Variants in CDKL2 observed in about 807,000 individuals in gnomAD.
CDKL2 encodes cyclin dependent kinase like 2.
CDKL2 carries 64 observed loss-of-function variants against 63.9 expected under a neutral mutation model. That is an observed-to-expected ratio of 1.00 (90% CI 0.82 to 1.23). The LOEUF (loss-of-function observed/expected upper bound fraction) is 1.23, where lower values mean the gene tolerates loss of function less well. Among genes scored for constraint, CDKL2 ranks in the 50% most tolerant of loss-of-function variants. The pLI, the probability that CDKL2 is intolerant of heterozygous loss-of-function variation, is 0.00. For missense variants in CDKL2, 656 were observed against 668.0 expected (o/e 0.98, Z 0.20); for synonymous variants, 211 against 229.2 (o/e 0.92, Z 0.72).
At position 75,601,622 on chromosome 4, in the gene CDKL2, C is replaced by T. The variant is rs1729194408; in HGVS notation, c.796-1253G>A. ...CAACTATTCTTTCTATTTTCTTTTC[C>T]GTTTGAAATTTTCCATAATAAAATG... On this transcript the variant is annotated intron_variant, in intron 6 of 13. Transcript: ENST00000307465. 3.9e-5 allele frequency among the ~76,000 whole-genome samples: 6 copies of T among 151,960 alleles called. No homozygotes were observed. The South Asian group carries it at 1.0e-3, about 26-fold the overall frequency.
chr4:75,617,645 T>C (rs1037126768), intron 2 of CDKL2, among the ~76,000 whole-genome samples: 1 of 152,242 alleles, frequency 6.6e-6, no homozygotes, highest in Admixed American at 6.5e-5. Context: ...ACTTGTTCCA[T>C]TGGGCTGTTT....
intron 2 of CDKL2, among the ~76,000 whole-genome samples, chr4:75,615,093 A>T (rs973916190): frequency 6.6e-6 from 1 of 152,044 alleles, no homozygotes; most frequent in African/African-American, 2.4e-5. Context: ...ACAATCTCTC[A>T]GTGAGGCAGT....
At chr4:75,626,804 T>C (rs1240914612) in intron 1 of CDKL2, among the ~76,000 whole-genome samples, 1 of 151,966 alleles carries the variant, frequency 6.6e-6, no homozygotes, top group African/African-American at 2.4e-5. Flanking sequence ...GGCAGGAGAA[T>C]TGCTTGAGCC....
At chr4:75,589,299 CTTTTTT>C (rs34052339) in intron 12 of CDKL2, among the ~76,000 whole-genome samples, 1 of 88,412 alleles carries the variant, frequency 1.1e-5, no homozygotes, top group Non-Finnish European at 2.1e-5. Context: ...TTGATAGTTT[CTTTTTT>C]TTTTTTTTTT....
At chr4:75,585,513 A>T (rs1728437839) in intron 12 of CDKL2, among the ~76,000 whole-genome samples, 1 of 152,118 alleles carries the variant, frequency 6.6e-6, no homozygotes, top group African/African-American at 2.4e-5. Flanking sequence ...AGATCGCTTG[A>T]TCCTAGGAAT....
rs116826812 is a variant in CDKL2 at position 75,617,631 on chromosome 4, T to C, written c.169-3182A>G. Among the ~76,000 whole-genome samples, 882 of 152,338 alleles carry C rather than the reference T, an allele frequency of 5.8e-3. 8 individuals are homozygous for C. Among genetic ancestry groups the C allele is most frequent in the African/African-American group, 0.021 (858 of 41,578 alleles). Reference sequence around the variant, plus strand: ...TTAAGAAATCTAAATAATACTAGAATGTCACTTGTTCCATTGGGCTGTTTT... The same window carrying C: ...TTAAGAAATCTAAATAATACTAGAACGTCACTTGTTCCATTGGGCTGTTTT... On this transcript the variant is annotated intron_variant, in intron 2 of 13. Coordinates refer to ENST00000307465, the MANE Select transcript of CDKL2 (RefSeq NM_001330724.2).
At chr4:75,613,173 G>A (rs529825068) in intron 3 of CDKL2, among the ~76,000 whole-genome samples, 5 of 151,890 alleles carry the variant, frequency 3.3e-5, no homozygotes, top group African/African-American at 1.2e-4. Context: ...GTTGCCAGGA[G>A]GCCACTATGG....
chr4:75,615,803 G>A (rs1225625209), intron 2 of CDKL2, among the ~76,000 whole-genome samples: 1 of 151,674 alleles, frequency 6.6e-6, no homozygotes, highest in Non-Finnish European at 1.5e-5. Context: ...GACCAGCCTG[G>A]GCATGGTGAG....
At chr4:75,617,434 C>G (rs1195232742) in intron 2 of CDKL2, among the ~76,000 whole-genome samples, 1 of 152,080 alleles carries the variant, frequency 6.6e-6, no homozygotes, top group Non-Finnish European at 1.5e-5. Flanking sequence ...CTAACTCACA[C>G]AGAGGTCAAG....
In CDKL2 at chr4:75,597,143, C is replaced by G. The variant is rs779763516; in HGVS notation, c.1114G>C (p.Ala372Pro). ...DGEKAEKGNR[A>P]SNASCLHDSR... ...TCATGGAGACAGCTGGCATTTGAAG[C>G]TCTATTGCCTTTTTCAGCTTTTTCT... is the stretch of plus-strand genomic sequence containing the variant. Residue 372 changes from alanine to proline, a missense_variant, in exon 9 of 14, where the codon GCT becomes CCT. By Grantham distance (27) the Ala-to-Pro change is conservative (BLOSUM62 -1). Coordinates refer to ENST00000307465, the MANE Select transcript of CDKL2 (RefSeq NM_001330724.2). 1 of 1,613,692 alleles carries G rather than the reference C, an allele frequency of 6.2e-7. No homozygotes were observed. Among genetic ancestry groups the G allele is most frequent in the Non-Finnish European group, 8.5e-7 (1 of 1,179,672 alleles).
chr4:75,625,194 G>A (rs1322014331), intron 2 of CDKL2, among the ~76,000 whole-genome samples: 4 of 151,814 alleles, frequency 2.6e-5, no homozygotes, highest in Non-Finnish European at 5.9e-5. Context: ...ACTATATTCT[G>A]AACAAAAAGC....
At chr4:75,584,188 T>C (rs1728375309) in intron 12 of CDKL2, among the ~76,000 whole-genome samples, 1 of 152,224 alleles carries the variant, frequency 6.6e-6, no homozygotes, top group African/African-American at 2.4e-5. Context: ...TGTGAGCTCT[T>C]AGCATCAGAG....
chr4:75,596,668 G>T (rs1728948573), intron 9 of CDKL2, among the ~76,000 whole-genome samples: 1 of 152,156 alleles, frequency 6.6e-6, no homozygotes. Context: ...ATGACAACCT[G>T]CTTTCACATT....
intron 4 of CDKL2, among the ~76,000 whole-genome samples, chr4:75,606,441 C>T (rs935765661): frequency 1.3e-5 from 2 of 152,158 alleles, no homozygotes; most frequent in Non-Finnish European, 2.9e-5. Flanking sequence ...TCTTGAACTC[C>T]TGACCTCATG....
intron 3 of CDKL2, among the ~76,000 whole-genome samples, chr4:75,613,087 T>C (rs1333804649): frequency 6.7e-6 from 1 of 149,178 alleles, no homozygotes; most frequent in Non-Finnish European, 1.5e-5. Flanking sequence ...ATCGCGCCAC[T>C]GCACTCCAGC....
intron 13 of CDKL2, 118 bp downstream of exon 13, chr4:75,581,692 A>C: frequency 1.8e-6 from 1 of 568,752 alleles, no homozygotes. Context: ...TCTCTATCAG[A>C]AGTTCTCATG....
rs140806852 is a variant in CDKL2 at position 75,605,356 on chromosome 4, AACAC to A, written c.655+162_655+165del. ...CAAGGAGAGCGAAACTCCATCTCAA[AACAC>A]ACACACACACACACACACACAGAGT... On this transcript the variant is annotated intron_variant, in intron 5 of 13. Coordinates refer to ENST00000307465, the MANE Select transcript of CDKL2 (RefSeq NM_001330724.2). Among the ~76,000 whole-genome samples, 10 of 149,362 alleles carry A rather than the reference AACAC, an allele frequency of 6.7e-5. No homozygotes were observed. In the South Asian group the frequency reaches 1.5e-3, roughly 22 times the overall value.
chr4:75,629,677 C>A (rs562674494), intron 1 of CDKL2, among the ~76,000 whole-genome samples: 1 of 152,148 alleles, frequency 6.6e-6, no homozygotes, highest in Non-Finnish European at 1.5e-5. Context: ...CGGTGGCTCA[C>A]GCCTGTAATC....
chr4:75,599,548 C>CA (rs71657365), intron 7 of CDKL2, among the ~76,000 whole-genome samples: 13,682 of 69,516 alleles, frequency 0.2, 2,212 homozygotes, highest in African/African-American at 0.41. Flanking sequence ...GCAACAAGAG[C>CA]AAAAAAAAAA....
Sources: gnomAD v4.1 joint callset for allele counts (sites outside exome capture counted in the v4.1 genomes callset) on GRCh38, gnomAD v4.1.1 for gene constraint, MANE v1.5 for transcripts, NCBI Gene and HGNC (gene_info 2026-07-23, HGNC 2026-07-21) for gene names.